Variants in GSTA1 observed in about 807,000 individuals in gnomAD.
GSTA1 encodes glutathione S-transferase alpha 1, also known as glutathione S-transferase A1.
In GSTA1, 23 loss-of-function variants were observed where a neutral mutation model predicts 21.5. The ratio of observed to expected loss-of-function variants is 1.07; its 90% confidence interval spans 0.77 to 1.52. The LOEUF (loss-of-function observed/expected upper bound fraction) is 1.52. GSTA1 is among the 40% of genes most tolerant of loss of function. The probability of loss-of-function intolerance (pLI) is 0.00; values close to 1 mark genes in which losing one functional copy is unlikely to be tolerated. For missense variants in GSTA1, 301 were observed against 264.2 expected (o/e 1.14, Z -0.96); for synonymous variants, 125 against 90.0 (o/e 1.39, Z -2.20).
At chr6:52,803,081 C>T (rs376798367) in intron 1 of GSTA1, among the ~76,000 whole-genome samples, 1 of 152,072 alleles carries the variant, frequency 6.6e-6, no homozygotes, top group African/African-American at 2.4e-5. Flanking sequence ...TTTGGGTTGT[C>T]ATATCTGCGG....
At chr6:52,796,941 C>T (rs1763604881) in intron 3 of GSTA1, among the ~76,000 whole-genome samples, 1 of 152,012 alleles carries the variant, frequency 6.6e-6, no homozygotes, top group Admixed American at 6.5e-5. Flanking sequence ...ATTGCCCCTC[C>T]AGATACATAG....
rs533625483 is a variant in GSTA1, at chr6:52,799,343, A to G, written c.-30-46T>C. 18 of 1,308,704 alleles carry G rather than the reference A, an allele frequency of 1.4e-5. No homozygotes were observed. The African/African-American group carries it at 1.9e-4, about 14-fold the overall frequency. 81.1% of individuals were successfully genotyped at this position (1,308,704 alleles called of 1,614,324 possible). A position where few individuals can be genotyped will look rare whatever the true frequency, so the allele number is the denominator to read the frequency against. Reference sequence around the variant, plus strand: ...ATGAATAATTGAAACGATAGAATCAAAAATGTACTTTAGGATATGTAGTTG... The same window carrying G: ...ATGAATAATTGAAACGATAGAATCAGAAATGTACTTTAGGATATGTAGTTG... On this transcript the variant is annotated intron_variant, in intron 1 of 6. Coordinates refer to ENST00000334575, the MANE Select transcript of GSTA1 (RefSeq NM_145740.5).
intron 3 of GSTA1, among the ~76,000 whole-genome samples, chr6:52,797,292 G>A (rs1299364784): frequency 1.3e-5 from 2 of 152,148 alleles, no homozygotes; most frequent in African/African-American, 4.8e-5. Flanking sequence ...GGGATCCTGT[G>A]CTGATGACCA....
At chr6:52,799,536 T>C (rs1431476841) in intron 1 of GSTA1, among the ~76,000 whole-genome samples, 1 of 152,186 alleles carries the variant, frequency 6.6e-6, no homozygotes, top group African/African-American at 2.4e-5. Flanking sequence ...CTTGGCAGCA[T>C]AAGAGGTGAG....
At chr6:52,792,578 A>G in intron 6 of GSTA1, 1 of 579,400 alleles carries the variant, frequency 1.7e-6, no homozygotes, top group South Asian at 2.0e-5. Context: ...CAGAAACCAC[A>G]TTGAAATAGA....
In GSTA1 at chr6:52,796,543, A is replaced by ATATT. The variant is rs1300549721; in HGVS notation, c.140-230_140-229insAATA. 6.9e-3 allele frequency among the ~76,000 whole-genome samples: 164 copies of ATATT among 23,756 alleles called. 12 individuals are homozygous for ATATT. The highest frequency in any genetic ancestry group is 0.016 in the African/African-American group (153 of 9,510). The allele number at this position is 23,756 out of a possible 152,430, so 15.6% of individuals were successfully genotyped here. ...TGTGTGTGTGTGTATATATATATAT[A>ATATT]TTTTTTTTTTTTTTTTTTTTGGCAG... is the stretch of plus-strand genomic sequence containing the variant. On this transcript the variant is annotated intron_variant, in intron 3 of 6. Coordinates refer to ENST00000334575, the MANE Select transcript of GSTA1 (RefSeq NM_145740.5).
chr6:52,803,106 T>C (rs9349645), intron 1 of GSTA1, among the ~76,000 whole-genome samples: 148,262 of 152,166 alleles, frequency 0.97, 72,339 homozygotes, highest in East Asian at 1. Flanking sequence ...GGAAAGGGGG[T>C]TACAAATCAG....
At position 52,794,152 on chromosome 6, in the gene GSTA1, T is replaced by TTTTA. The variant is rs1164463951; in HGVS notation, c.383_386dup (p.Lys129AsnfsTer10). ...TTTCAAAGGCAGGGAAGTAGCGATT[T>TTTTA]TTTATTTTCTCTTTGATCAAGGCAA... On this transcript the variant is annotated frameshift_variant, in exon 5 of 7. Coordinates refer to ENST00000334575, the MANE Select transcript of GSTA1 (RefSeq NM_145740.5). LOFTEE classifies it high-confidence loss of function. 3.1e-6 allele frequency: 5 copies of TTTTA among 1,613,912 alleles called. No homozygotes were observed. The highest frequency in any genetic ancestry group is 1.7e-5 in the Admixed American group (1 of 59,994).
chr6:52,800,128 G>A (rs190693220), intron 1 of GSTA1, among the ~76,000 whole-genome samples: 47 of 152,310 alleles, frequency 3.1e-4, no homozygotes, highest in African/African-American at 1.1e-3. Flanking sequence ...CAATATGGAA[G>A]GAGCTAGCAT....
Position 52,794,198 on chromosome 6 carries a change from G to A in GSTA1, c.341C>T (p.Pro114Leu), listed in dbSNP as rs1207267531. Residue 114 changes from proline to leucine, a missense_variant, in exon 5 of 7, where the codon CCT (proline) becomes CTT (leucine). Pro to Leu is a moderately conservative substitution (Grantham distance 98). Transcript: ENST00000334575. ...GGCAAGCTTGGCATCTTTTTCCTCA[G>A]GTGGACATACGGGCAGAAGGAGGAT... ...EMILLLPVCPPEEKDAKLALI... is the reference protein window; with the variant it reads ...EMILLLPVCPLEEKDAKLALI... The A allele has an allele frequency of 2.5e-6, 4 of 1,613,850 alleles. No individual in the cohort carries two copies. The Admixed American group carries it at 5.0e-5, about 20-fold the overall frequency.
rs1257575638 is a variant in GSTA1, at chr6:52,796,197, A to T, written c.257T>A (p.Ile86Lys). 2 of 1,613,442 alleles carry T rather than the reference A, an allele frequency of 1.2e-6. No homozygotes were observed. Among genetic ancestry groups the T allele is most frequent in the Non-Finnish European group, 1.7e-6 (2 of 1,179,852 alleles). Reference sequence around the variant, plus strand: ...TATACCGTACAGGGCTCTCTCCTTTATGTCTTTCCCATAGAGGTTGTATTT... The same window carrying T: ...TATACCGTACAGGGCTCTCTCCTTTTTGTCTTTCCCATAGAGGTTGTATTT... ...ASKYNLYGKDIKERALIDMYI... is the reference protein window; with the variant it reads ...ASKYNLYGKDKKERALIDMYI... The change falls in exon 4 of 7, where the codon ATA becomes AAA. Residue 86 changes from isoleucine (I) to lysine (K), a missense_variant. Transcript: ENST00000334575.
rs1763498776 is a variant in GSTA1, at chr6:52,793,080, C to A, written c.415-93G>T. On this transcript the variant is annotated intron_variant, in intron 5 of 6. Coordinates refer to ENST00000334575, the MANE Select transcript of GSTA1 (RefSeq NM_145740.5). Reference sequence around the variant, plus strand: ...AGCCTCTCCACCCTGACTTTCCCCACCTCTGTTGCCTTACTGCATGGGTGC... The same window carrying A: ...AGCCTCTCCACCCTGACTTTCCCCAACTCTGTTGCCTTACTGCATGGGTGC... 17 of 1,566,666 alleles carry A rather than the reference C, an allele frequency of 1.1e-5. No homozygotes were observed. In the Admixed American group the frequency reaches 2.9e-4, roughly 26 times the overall value.
rs755670661 is a variant in GSTA1 at position 52,796,304 on chromosome 6, C to G, written c.150G>C (p.Leu50Phe). 6.2e-7 allele frequency: 1 copy of G among 1,613,370 alleles called. No individual in the cohort carries two copies. Among genetic ancestry groups the G allele is most frequent in the South Asian group, 1.1e-5 (1 of 91,016 alleles). Residue 50 changes from leucine to phenylalanine, a missense_variant, in exon 4 of 7, where the codon TTG becomes TTC. Transcript: ENST00000334575. ...DLDKLRNDGY[L>F]MFQQVPMVEI... Reference sequence around the variant, plus strand: ...CAACCATTGGCACTTGCTGGAACATCAAATATCCATCTTTAGAAGGAAGAA... The same window carrying G: ...CAACCATTGGCACTTGCTGGAACATGAAATATCCATCTTTAGAAGGAAGAA...
intron 1 of GSTA1, among the ~76,000 whole-genome samples, chr6:52,800,873 G>A (rs6932500): frequency 0.3 from 46,356 of 152,040 alleles, 8,856 homozygotes; most frequent in Non-Finnish European, 0.42. Flanking sequence ...AACAACTAAT[G>A]TATTTATTTA....
chr6:52,793,062 C>A, intron 5 of GSTA1, 75 bp from the exon 6 acceptor site: 1 of 1,604,920 alleles, frequency 6.2e-7, no homozygotes, highest in Non-Finnish European at 8.5e-7. Context: ...CGGAGCCTCT[C>A]CACCCTGACT....
intron 6 of GSTA1, 133 bp from the exon 7 acceptor site, chr6:52,792,113 A>G (rs1763473408): frequency 7.9e-7 from 1 of 1,263,036 alleles, no homozygotes; most frequent in South Asian, 1.5e-5. Context: ...GGAGGCAGAA[A>G]CAGACACCCA....
chr6:52,792,227 C>T (rs1763475499), intron 6 of GSTA1, among the ~76,000 whole-genome samples: 1 of 152,126 alleles, frequency 6.6e-6, no homozygotes, highest in Non-Finnish European at 1.5e-5. Flanking sequence ...TCTCCTTACA[C>T]ACTAATCCTA....
chr6:52,802,910 C>T (rs1197418359), intron 1 of GSTA1, among the ~76,000 whole-genome samples: 1 of 152,040 alleles, frequency 6.6e-6, no homozygotes, highest in Non-Finnish European at 1.5e-5. Context: ...ACTAATCAGT[C>T]CACCTGGATT....
intron 4 of GSTA1, among the ~76,000 whole-genome samples, chr6:52,795,584 C>T (rs1274626638): frequency 6.6e-6 from 1 of 152,178 alleles, no homozygotes; most frequent in Non-Finnish European, 1.5e-5. Flanking sequence ...AGTCTCATCA[C>T]AACAGCAAGG....
Sources: allele counts gnomAD v4.1 joint callset (sites outside exome capture counted in the v4.1 genomes callset), GRCh38; gene constraint gnomAD v4.1.1; transcripts MANE v1.5; gene names NCBI Gene and HGNC (gene_info 2026-07-23, HGNC 2026-07-21).